CMIP: variants seen among roughly 807,000 people sequenced by gnomAD.
CMIP encodes C-Maf-inducing protein.
A neutral mutation model predicts 97.3 loss-of-function variants in CMIP; 13 were observed. The observed-to-expected ratio is 0.13, with a 90% confidence interval of 0.09 to 0.21. The LOEUF is 0.21. CMIP is among the 10% of genes least tolerant of loss of function. CMIP has a pLI of 1.00. For missense variants in CMIP, 847 were observed against 1,024.9 expected, an observed-to-expected ratio of 0.83 and a Z score of 2.37; for synonymous variants, 538 against 436.3, an observed-to-expected ratio of 1.23 and a Z score of -2.91.
chr16:81,690,356 G>A (rs949369614), intron 10 of CMIP, among the ~76,000 whole-genome samples: 3 of 152,280 alleles, frequency 2.0e-5, no homozygotes, highest in Non-Finnish European at 4.4e-5. Context: ...AGTTCTCCTT[G>A]AAGAGGTCCT....
At chr16:81,578,674 A>C (rs1166549495) in intron 1 of CMIP, among the ~76,000 whole-genome samples, 1 of 152,162 alleles carries the variant, frequency 6.6e-6, no homozygotes, top group Non-Finnish European at 1.5e-5. Context: ...TTGGATAAAG[A>C]CATTTTGGTT....
At chr16:81,691,495 C>T (rs766225257) in intron 10 of CMIP, among the ~76,000 whole-genome samples, 3 of 152,212 alleles carry the variant, frequency 2.0e-5, no homozygotes, top group Non-Finnish European at 4.4e-5. Context: ...ACAATGATCA[C>T]GTAGCCTTGG....
chr16:81,567,789 C>T (rs115352249), intron 1 of CMIP, among the ~76,000 whole-genome samples: 126 of 152,330 alleles, frequency 8.3e-4, no homozygotes, highest in African/African-American at 2.9e-3. Flanking sequence ...TTCTTGTCAC[C>T]TCCCCGAAGC....
chr16:81,485,177 A>G (rs912170764), intron 1 of CMIP, among the ~76,000 whole-genome samples: 3 of 152,200 alleles, frequency 2.0e-5, no homozygotes, highest in Admixed American at 6.5e-5. Flanking sequence ...TATGTATACC[A>G]GAATGTATTA....
chr16:81,636,401 G>T (rs927370799), intron 3 of CMIP, among the ~76,000 whole-genome samples: 1 of 151,878 alleles, frequency 6.6e-6, no homozygotes, highest in African/African-American at 2.4e-5. Context: ...TGGTCAATGT[G>T]GTGAAGCCCC....
At chr16:81,459,305 A>G (rs1374880963) in intron 1 of CMIP, among the ~76,000 whole-genome samples, 2 of 152,050 alleles carry the variant, frequency 1.3e-5, no homozygotes, top group Non-Finnish European at 2.9e-5. Context: ...CCTTCTGGTG[A>G]CCTTGGAGTC....
At chr16:81,590,823 T>TCATCCATC (rs79228744) in intron 1 of CMIP, among the ~76,000 whole-genome samples, 3,851 of 150,624 alleles carry the variant, frequency 0.026, 91 homozygotes, top group East Asian at 0.14. Context: ...TCACTTTCTC[T>TCATCCATC]CATCCATCCA....
At chr16:81,642,902 A>AAAAG (rs900808670) in intron 3 of CMIP, among the ~76,000 whole-genome samples, 1 of 149,802 alleles carries the variant, frequency 6.7e-6, no homozygotes, top group Admixed American at 6.8e-5. Flanking sequence ...TCTCGCAAAA[A>AAAAG]AAAGAAAGAA....
chr16:81,702,572 TG>T (rs757827860), intron 16 of CMIP, 49 bp from the exon 17 acceptor site: 149 of 1,575,748 alleles, frequency 9.5e-5, no homozygotes, highest in Non-Finnish European at 1.1e-4. Context: ...AAGTCTAGAA[TG>T]GAAACTTGGG....
intron 2 of CMIP, chr16:81,619,728 G>C (rs73598480): frequency 1.3e-5 from 2 of 152,144 alleles, no homozygotes; most frequent in African/African-American, 4.8e-5. Flanking sequence ...TCCTGGCCCC[G>C]CACCACATGT....
intron 1 of CMIP, among the ~76,000 whole-genome samples, chr16:81,600,368 T>G (rs1177132604): frequency 2.0e-5 from 3 of 151,546 alleles, no homozygotes; most frequent in Non-Finnish European, 4.4e-5. Context: ...CAGATGAATG[T>G]ATAAACATGT....
intron 6 of CMIP, among the ~76,000 whole-genome samples, chr16:81,663,097 C>CA (rs5818346): frequency 7.3e-4 from 105 of 144,778 alleles, no homozygotes; most frequent in Middle Eastern, 3.5e-3. Context: ...TTTTTAACTC[C>CA]AAAAAAAAAA....
rs1905723724 is a variant in CMIP at position 81,444,883 on chromosome 16, C to A, written c.-359C>A. ...GCGGCGCGGGGCCCCGAGACACGCC[C>A]GCCCCCACCCCGCCGCCCCCACCCC... On this transcript the variant is annotated 5_prime_UTR_variant, in exon 1 of 21. Transcript: ENST00000537098. Among the ~76,000 whole-genome samples the A allele has an allele frequency of 2.1e-5, 3 of 139,744 alleles. No homozygotes were observed. The highest frequency in any genetic ancestry group is 4.4e-4 in the South Asian group (2 of 4,532). 91.7% of individuals were successfully genotyped at this position (139,744 alleles called of 152,430 possible).
At chr16:81,624,770 A>G (rs1410113217) in intron 3 of CMIP, among the ~76,000 whole-genome samples, 1 of 152,220 alleles carries the variant, frequency 6.6e-6, no homozygotes, top group African/African-American at 2.4e-5. Flanking sequence ...CAGTCATGAT[A>G]ACAGGGTCGA....
intron 1 of CMIP, among the ~76,000 whole-genome samples, chr16:81,567,861 T>C (rs1472853741): frequency 1.3e-5 from 2 of 152,162 alleles, no homozygotes; most frequent in Non-Finnish European, 2.9e-5. Context: ...ACGTAGTAGG[T>C]GCTTGATAAA....
intron 1 of CMIP, among the ~76,000 whole-genome samples, chr16:81,506,102 C>A (rs2089704350): frequency 6.6e-6 from 1 of 152,228 alleles, no homozygotes; most frequent in African/African-American, 2.4e-5. Context: ...TCTATTCATC[C>A]TCCTGCAACC....
intron 2 of CMIP, among the ~76,000 whole-genome samples, chr16:81,611,932 C>A (rs996106453): frequency 6.6e-6 from 1 of 152,232 alleles, no homozygotes; most frequent in East Asian, 1.9e-4. Context: ...AGGCGCCCAG[C>A]CTTCCAGCGT....
chr16:81,536,084 C>T (rs968233383), intron 1 of CMIP, among the ~76,000 whole-genome samples: 20 of 152,258 alleles, frequency 1.3e-4, no homozygotes, highest in African/African-American at 3.9e-4. Context: ...AAGCATCCCC[C>T]GACCCCTGGC....
intron 1 of CMIP, among the ~76,000 whole-genome samples, chr16:81,539,026 C>T (rs931434176): frequency 4.6e-5 from 7 of 152,080 alleles, no homozygotes; most frequent in African/African-American, 1.4e-4. Flanking sequence ...ACAGAAAATT[C>T]GATTAGATAG....
Sources: gnomAD v4.1 joint callset for allele counts (sites outside exome capture counted in the v4.1 genomes callset) on GRCh38, gnomAD v4.1.1 for gene constraint, MANE v1.5 for transcripts, NCBI Gene and HGNC (gene_info 2026-07-23, HGNC 2026-07-21) for gene names.